Variants in SUPT3H observed in about 807,000 individuals in gnomAD.
The protein encoded by SUPT3H is transcription initiation protein SPT3 homolog.
Under a neutral mutation model 44.3 loss-of-function variants are expected in SUPT3H, and 44 were observed. The ratio of observed to expected loss-of-function variants is 0.99; its 90% CI spans 0.78 to 1.28. The LOEUF (loss-of-function observed/expected upper bound fraction) is 1.28. Ranked by LOEUF, SUPT3H falls within the 50% of genes most tolerant of loss-of-function variation. SUPT3H has a pLI of 0.00. For missense variants in SUPT3H, 380 were observed against 387.1 expected (o/e 0.98, Z 0.15); for synonymous variants, 124 against 125.6 (o/e 0.99, Z 0.09).
At chr6:44,930,335 C>T (rs918656851) in intron 10 of SUPT3H, among the ~76,000 whole-genome samples, 7 of 150,950 alleles carry the variant, frequency 4.6e-5, no homozygotes, top group Admixed American at 6.6e-5. Flanking sequence ...GAGCCGAGTT[C>T]GCGCCACTGC....
chr6:44,837,281 G>A (rs1770094323), intron 10 of SUPT3H, among the ~76,000 whole-genome samples: 1 of 152,178 alleles, frequency 6.6e-6, no homozygotes, highest in East Asian at 1.9e-4. Context: ...AGAAGGAAGG[G>A]AACTTACTGT....
chr6:44,818,425 A>G (rs1767053325), intron 11 of SUPT3H, among the ~76,000 whole-genome samples: 1 of 152,188 alleles, frequency 6.6e-6, no homozygotes, highest in Non-Finnish European at 1.5e-5. Context: ...GGTTTCTTAC[A>G]TAAGACATAC....
intron 10 of SUPT3H, among the ~76,000 whole-genome samples, chr6:44,890,361 A>G (rs1175650736): frequency 6.6e-6 from 1 of 151,808 alleles, no homozygotes; most frequent in Admixed American, 6.6e-5. Flanking sequence ...AACCAACCCA[A>G]ATGTCCAACA....
chr6:44,823,112 A>G (rs1385887434), downstream of SUPT3H, among the ~76,000 whole-genome samples: 9 of 152,072 alleles, frequency 5.9e-5, no homozygotes, highest in Non-Finnish European at 1.2e-4. Flanking sequence ...AAAAAAAAAA[A>G]AAAAAAAAAA....
At chr6:45,249,653 T>A (rs1222853896) in intron 2 of SUPT3H, among the ~76,000 whole-genome samples, 1 of 152,096 alleles carries the variant, frequency 6.6e-6, no homozygotes, top group Non-Finnish European at 1.5e-5. Context: ...CAAAACACAT[T>A]GTAAATTGTT....
chr6:45,312,378 G>A (rs1784082057), intron 2 of SUPT3H, among the ~76,000 whole-genome samples: 1 of 152,014 alleles, frequency 6.6e-6, no homozygotes, highest in South Asian at 2.1e-4. Flanking sequence ...AGCCAGGCAT[G>A]GTGGCGGGTG....
At chr6:45,204,001 A>C (rs970523559) in intron 2 of SUPT3H, among the ~76,000 whole-genome samples, 2 of 152,110 alleles carry the variant, frequency 1.3e-5, no homozygotes, top group Non-Finnish European at 2.9e-5. Flanking sequence ...TAATCCCAGC[A>C]CTTTGGGAGG....
At chr6:45,355,447 G>A (rs1170595516) in intron 2 of SUPT3H, among the ~76,000 whole-genome samples, 1 of 151,922 alleles carries the variant, frequency 6.6e-6, no homozygotes, top group African/African-American at 2.4e-5. Flanking sequence ...AAAATTTCCA[G>A]GGTTTTTCAT....
intron 9 of SUPT3H, among the ~76,000 whole-genome samples, chr6:44,947,362 T>C (rs1338468005): frequency 6.6e-6 from 1 of 152,172 alleles, no homozygotes; most frequent in Non-Finnish European, 1.5e-5. Context: ...ATGGCTGGAA[T>C]GGCTAAATCA....
chr6:44,900,450 C>CTGTGCTA, intron 10 of SUPT3H, among the ~76,000 whole-genome samples: 1 of 152,348 alleles, frequency 6.6e-6, no homozygotes, highest in East Asian at 1.9e-4. Flanking sequence ...GAGATCAAAC[C>CTGTGCTA]GCAAGGCGGC....
rs533356317 is a variant in SUPT3H, at chr6:45,343,572, ACT to A, written c.101+21627_101+21628del. Among the ~76,000 whole-genome samples, 1,045 of 152,196 alleles carry A rather than the reference ACT, an allele frequency of 6.9e-3. 9 individuals are homozygous for A. The highest frequency in any genetic ancestry group is 0.01 in the Non-Finnish European group (685 of 67,990). ...TAAGAGAGAAGGTCCTATGTACATA[ACT>A]CTCTCTTGTAAAAAATGCCTTCAAT... On this transcript the variant is annotated intron_variant, in intron 2 of 10. Transcript: ENST00000371459.
chr6:45,139,382 GAGGAGA>G (rs926903992), intron 2 of SUPT3H, among the ~76,000 whole-genome samples: 10 of 152,134 alleles, frequency 6.6e-5, no homozygotes, highest in African/African-American at 2.2e-4. Context: ...AGATGGCAGA[GAGGAGA>G]CAGGGCTAAC....
intron 10 of SUPT3H, among the ~76,000 whole-genome samples, chr6:44,901,478 G>A (rs1462505157): frequency 7.9e-5 from 12 of 152,066 alleles, no homozygotes; most frequent in African/African-American, 2.9e-4. Context: ...AGAGAAAAAA[G>A]AATAAAAAGA....
Position 44,887,927 on chromosome 6 carries a change from T to C in SUPT3H, c.912+44726A>G, listed in dbSNP as rs1762590488. The stretch of plus-strand genomic sequence containing the variant: ...ACCAAATAGAGGCAATAAAAAATGA[T>C]AAAGGGGATATCACCACCGATCCCA... On this transcript the variant is annotated intron_variant, in intron 10 of 10. Transcript: ENST00000371459. 2.0e-5 allele frequency among the ~76,000 whole-genome samples: 3 copies of C among 151,916 alleles called. No individual in the cohort carries two copies. The South Asian group carries it at 6.2e-4, about 32-fold the overall frequency.
intron 2 of SUPT3H, among the ~76,000 whole-genome samples, chr6:45,183,374 C>A (rs1309175711): frequency 6.6e-6 from 1 of 152,068 alleles, no homozygotes; most frequent in Non-Finnish European, 1.5e-5. Context: ...TTGTGTTAGT[C>A]CGTCTTCACG....
At chr6:45,281,670 G>A (rs1281792853) in intron 2 of SUPT3H, among the ~76,000 whole-genome samples, 1 of 152,174 alleles carries the variant, frequency 6.6e-6, no homozygotes, top group African/African-American at 2.4e-5. Context: ...TGGGGGCAGG[G>A]CATAGCCAAA....
At chr6:44,893,623 G>T in intron 10 of SUPT3H, among the ~76,000 whole-genome samples, 1 of 151,738 alleles carries the variant, frequency 6.6e-6, no homozygotes, top group East Asian at 1.9e-4. Flanking sequence ...GTCTATCATT[G>T]TTGGACATTT....
At chr6:44,970,323 G>A (rs924881259) in intron 6 of SUPT3H, among the ~76,000 whole-genome samples, 4 of 152,246 alleles carry the variant, frequency 2.6e-5, no homozygotes, top group African/African-American at 9.6e-5. Flanking sequence ...GATAAAATGT[G>A]TGTTAAGAAA....
chr6:44,942,850 T>G (rs1267133959), intron 9 of SUPT3H, among the ~76,000 whole-genome samples: 15 of 152,156 alleles, frequency 9.9e-5, no homozygotes, highest in Admixed American at 8.5e-4. Flanking sequence ...GTTCAAAGTT[T>G]ATAGGTGAGT....
Sources: allele counts gnomAD v4.1 joint callset (sites outside exome capture counted in the v4.1 genomes callset), GRCh38; gene constraint gnomAD v4.1.1; transcripts MANE v1.5; gene names NCBI Gene and HGNC (gene_info 2026-07-23, HGNC 2026-07-21).